The following EPB41 variants were observed in gnomAD, a reference collection of about 807,000 sequenced individuals.
EPB41 encodes the protein erythrocyte membrane protein band 4.1.
In EPB41, 65 loss-of-function variants were observed where a neutral mutation model predicts 108.0. The ratio of observed to expected loss-of-function variants is 0.60; its 90% confidence interval spans 0.49 to 0.74. The LOEUF is 0.74. EPB41 is among the 30% of genes least tolerant of loss of function. The pLI is 0.00. For synonymous variants in EPB41, 336 were observed against 358.9 expected, an observed-to-expected ratio of 0.94 and a Z score of 0.72; for missense variants, 875 against 1,037.0, an observed-to-expected ratio of 0.84 and a Z score of 2.15.
At position 28,914,605 on chromosome 1, in the gene EPB41, G is replaced by GCTCGCTCCCTCC. The variant is rs1242636664; in HGVS notation, c.-167_-156dup. 61 of 151,994 alleles carry GCTCGCTCCCTCC rather than the reference G, an allele frequency of 4.0e-4. No homozygotes were observed. The highest frequency in any genetic ancestry group is 6.8e-4 in the Non-Finnish European group (46 of 67,910). The allele number at this position is 151,994 out of a possible 1,614,324, so 9.4% of individuals were successfully genotyped here. ...GGGAGGGCGCGCGCCAGGGTCGCTCGCTCGCTCCCTCCCTCCGCTGGTGCG... is the reference window on the plus strand; with the variant it reads ...GGGAGGGCGCGCGCCAGGGTCGCTCGCTCGCTCCCTCCCTCGCTCCCTCCCTCCGCTGGTGCG... On this transcript the variant is annotated 5_prime_UTR_variant, in exon 1 of 21. Transcript: ENST00000343067.
At chr1:29,052,907 G>T (rs79462266) in intron 11 of EPB41, among the ~76,000 whole-genome samples, 197 bp from the exon 12 acceptor site, 119 of 152,196 alleles carry the variant, frequency 7.8e-4, no homozygotes, top group African/African-American at 2.6e-3. Context: ...TCTACTGAGG[G>T]TACATTTAAC....
At chr1:28,993,646 ATTTCTTT>A (rs1372377224) in intron 3 of EPB41, 104 bp downstream of exon 3, 14 of 779,346 alleles carry the variant, frequency 1.8e-5, no homozygotes, top group Non-Finnish European at 2.6e-5. Flanking sequence ...TGTAGTGATT[ATTTCTTT>A]TTTCTTTTTT....
intron 8 of EPB41, chr1:29,031,892 C>A (rs1433879484): frequency 6.6e-6 from 1 of 151,992 alleles, no homozygotes; most frequent in Admixed American, 6.6e-5. Context: ...CTCAGGAATT[C>A]AAGACCAGAC....
chr1:29,107,281 ACTGT>A (rs1346001428), intron 17 of EPB41, among the ~76,000 whole-genome samples: 2 of 152,200 alleles, frequency 1.3e-5, no homozygotes, highest in South Asian at 2.1e-4. Flanking sequence ...ACAGCTGGTT[ACTGT>A]CTGAGTGGGG....
chr1:28,888,897 G>A (rs1489081588), intron 1 of EPB41, among the ~76,000 whole-genome samples: 1 of 152,230 alleles, frequency 6.6e-6, no homozygotes, highest in Non-Finnish European at 1.5e-5. Context: ...AAAGTGCTGG[G>A]ATTACAGGCG....
intron 16 of EPB41, chr1:29,072,612 C>T (rs539204375): frequency 7.9e-5 from 12 of 152,206 alleles, no homozygotes; most frequent in African/African-American, 2.6e-4. Flanking sequence ...CAAGAGTCCT[C>T]GGAGATCTTT....
chr1:28,923,898 C>G (rs967138985), intron 1 of EPB41, among the ~76,000 whole-genome samples: 14 of 152,172 alleles, frequency 9.2e-5, no homozygotes, highest in Non-Finnish European at 2.1e-4. Flanking sequence ...ATCCCTCCCT[C>G]CTGGTATGCA....
intron 1 of EPB41, among the ~76,000 whole-genome samples, chr1:28,946,652 C>T (rs2094499265): frequency 6.6e-6 from 1 of 152,200 alleles, no homozygotes; most frequent in South Asian, 2.1e-4. Flanking sequence ...AATAGCGACT[C>T]TATTTTTCAT....
At chr1:29,021,828 C>T (rs1453389047) in intron 7 of EPB41, among the ~76,000 whole-genome samples, 6 of 152,206 alleles carry the variant, frequency 3.9e-5, no homozygotes, top group African/African-American at 7.2e-5. Flanking sequence ...GTGATCCGCC[C>T]GCCTGGGCCT....
At chr1:29,038,236 T>A (rs879440053) in intron 10 of EPB41, among the ~76,000 whole-genome samples, 4 of 152,220 alleles carry the variant, frequency 2.6e-5, no homozygotes, top group Admixed American at 2.6e-4. Context: ...TTATTGGCAT[T>A]AACACATTTA....
intron 1 of EPB41, among the ~76,000 whole-genome samples, chr1:28,959,014 G>A (rs1028023708): frequency 6.6e-6 from 1 of 151,826 alleles, no homozygotes; most frequent in African/African-American, 2.4e-5. Flanking sequence ...ATTTCAGCAG[G>A]TGGAGATGCA....
chr1:28,932,056 A>G (rs2093777742), intron 1 of EPB41, among the ~76,000 whole-genome samples: 2 of 152,238 alleles, frequency 1.3e-5, no homozygotes, highest in South Asian at 2.1e-4. Flanking sequence ...TTTGGTTATT[A>G]TAAGTTGCTT....
intron 1 of EPB41, among the ~76,000 whole-genome samples, chr1:28,928,594 C>G (rs157211): frequency 0.14 from 21,955 of 152,212 alleles, 2,002 homozygotes; most frequent in East Asian, 0.48. Flanking sequence ...ATATTCCCTT[C>G]CGGTTCTTTT....
chr1:28,947,142 G>T (rs1005395221), intron 1 of EPB41, among the ~76,000 whole-genome samples: 1 of 152,176 alleles, frequency 6.6e-6, no homozygotes, highest in African/African-American at 2.4e-5. Context: ...TCTTGGCCGG[G>T]CTGGGTGGCT....
intron 1 of EPB41, among the ~76,000 whole-genome samples, chr1:28,895,055 C>G (rs1036606594): frequency 3.9e-5 from 6 of 152,080 alleles, no homozygotes; most frequent in African/African-American, 1.4e-4. Context: ...GTTCTGTAAC[C>G]CCTTCTCTGC....
chr1:29,091,841 G>A (rs1198570057), intron 16 of EPB41, among the ~76,000 whole-genome samples: 5 of 152,142 alleles, frequency 3.3e-5, no homozygotes, highest in Admixed American at 6.6e-5. Context: ...ACTAGTGCCA[G>A]TTTGAGACGC....
rs1163151785 is a variant in EPB41, at chr1:29,118,051, C to A, written c.*1239C>A. 2 of 152,120 alleles carry A rather than the reference C, an allele frequency of 1.3e-5. No individual in the cohort carries two copies. Among genetic ancestry groups the A allele is most frequent in the African/African-American group, 2.4e-5 (1 of 41,422 alleles). 9.4% of individuals were successfully genotyped at this position (152,120 alleles called of 1,614,324 possible). ...TTTGGGGCTTAGTTTTCCTTTTTTT[C>A]ATTTTGATTTTTGAAAGTGAAGATG... On this transcript the variant is annotated 3_prime_UTR_variant, in exon 21 of 21. Transcript: ENST00000343067.
At chr1:28,887,147 TA>T, upstream of EPB41, 2 of 1,069,634 alleles carry the variant, frequency 1.9e-6, no homozygotes, top group Non-Finnish European at 2.5e-6. The surrounding 1 kb of genome is among the most constrained non-coding windows in gnomAD (Gnocchi z 4.9). Flanking sequence ...AGGAACCTCT[TA>T]AAGGGCGAGA....
intron 1 of EPB41, among the ~76,000 whole-genome samples, chr1:28,963,137 TA>T (rs1242301502): frequency 2.0e-5 from 3 of 152,176 alleles, no homozygotes; most frequent in Non-Finnish European, 2.9e-5. Flanking sequence ...ACAGTTTTTC[TA>T]AAATAAAACA....
Sources: allele counts gnomAD v4.1 joint callset (sites outside exome capture counted in the v4.1 genomes callset), GRCh38; gene constraint gnomAD v4.1.1; non-coding constraint Gnocchi (gnomAD v3.1); transcripts MANE v1.5; gene names NCBI Gene and HGNC (gene_info 2026-07-23, HGNC 2026-07-21).